The following ZNF253 variants were observed in gnomAD, a reference collection of about 807,000 sequenced individuals.
ZNF253 encodes zinc finger protein 253.
ZNF253 carries 8 observed loss-of-function variants against 11.9 expected under a neutral mutation model. The ratio of observed to expected loss-of-function variants is 0.67; its 90% CI spans 0.40 to 1.22. ZNF253 has a LOEUF of 1.22. Ranked by LOEUF, ZNF253 falls within the 50% of genes most tolerant of loss-of-function variation. The probability of loss-of-function intolerance (pLI) is 0.01; values close to 1 mark genes in which losing one functional copy is unlikely to be tolerated. For synonymous variants in ZNF253, 194 were observed against 194.9 expected (o/e 1.00, Z 0.04); for missense variants, 485 against 586.9 (o/e 0.83, Z 1.79).
At chr19:19,885,279 CTTTCTTTCTTTCTCTT>C (rs2063197413) in intron 3 of ZNF253, among the ~76,000 whole-genome samples, 1 of 33,940 alleles carries the variant, frequency 2.9e-5, no homozygotes, top group Non-Finnish European at 4.6e-5. Context: ...TTCTTTCTTT[CTTTCTTTCTTTCTCTT>C]TCTTTTCTTT....
chr19:19,880,784 G>A (rs369635970), intron 3 of ZNF253, among the ~76,000 whole-genome samples: 3 of 150,684 alleles, frequency 2.0e-5, no homozygotes, highest in Admixed American at 2.0e-4. Context: ...ACAAATATCT[G>A]CATAATTTTG....
rs763061966 is a variant in ZNF253, at chr19:19,878,505, G to A, written c.28G>A (p.Ala10Thr). ...GGGACCATTGCAATTTAGAGATGTG[G>A]CCATAGAATTCTCTCTGGAGGAGTG... MGPLQFRDVAIEFSLEEWHC... is the reference protein window; with the variant it reads MGPLQFRDVTIEFSLEEWHC... Residue 10 changes from alanine (A) to threonine (T), a missense_variant, in exon 2 of 4, where the codon GCC becomes ACC. Coordinates refer to ENST00000589717, the MANE Select transcript of ZNF253 (RefSeq NM_021047.3). 3 of 1,613,944 alleles carry A rather than the reference G, an allele frequency of 1.9e-6. No individual in the cohort carries two copies. Among genetic ancestry groups the A allele is most frequent in the Non-Finnish European group, 2.5e-6 (3 of 1,179,956 alleles).
Position 19,891,606 on chromosome 19 carries a change from G to T in ZNF253, c.359G>T (p.Gly120Val). 1 of 1,614,142 alleles carries T rather than the reference G, an allele frequency of 6.2e-7. No homozygotes were observed. Among genetic ancestry groups the T allele is most frequent in the Non-Finnish European group, 8.5e-7 (1 of 1,180,012 alleles). Reference sequence around the variant, plus strand: ...TTAAAAAAAGGCTGTAAAAGCGTGGGTGAGCATAAGGTGCACAAAGGAGGT... The same window carrying T: ...TTAAAAAAAGGCTGTAAAAGCGTGGTTGAGCATAAGGTGCACAAAGGAGGT... Reference protein sequence around the residue: ...LQLKKGCKSVGEHKVHKGGYN... With the variant: ...LQLKKGCKSVVEHKVHKGGYN... Residue 120 changes from glycine (G) to valine (V), a missense_variant, in exon 4 of 4, where the codon GGT (glycine) becomes GTT (valine). By Grantham distance (109) the Gly-to-Val change is moderately radical. Around this residue, in one of 3 missense-constraint regions of ZNF253, gnomAD observed 218 missense variants for 213.1 expected, o/e 1.02. Transcript: ENST00000589717.
Position 19,880,129 on chromosome 19 carries a change from T to G in ZNF253, c.209T>G (p.Met70Arg). 6.2e-7 allele frequency: 1 copy of G among 1,608,340 alleles called. No individual in the cohort carries two copies. Among genetic ancestry groups the G allele is most frequent in the Non-Finnish European group, 8.5e-7 (1 of 1,177,450 alleles). The change falls in exon 3 of 4, where the codon ATG becomes AGG. Residue 70 changes from methionine to arginine, a missense_variant. Coordinates refer to ENST00000589717, the MANE Select transcript of ZNF253 (RefSeq NM_021047.3). ...CCTTTAACTATGGAAAGACATGAGA[T>G]GATTGCCAAACCCCCAGGTAGGTAC... ...KKPLTMERHEMIAKPPVMSSH... is the reference protein window; with the variant it reads ...KKPLTMERHERIAKPPVMSSH...
rs200565366 is a variant in ZNF253 at position 19,891,984 on chromosome 19, A to G, written c.737A>G (p.His246Arg). The G allele has an allele frequency of 4.2e-5, 67 of 1,613,862 alleles. 1 individual carries two copies. Among genetic ancestry groups the G allele is most frequent in the South Asian group, 6.6e-5 (6 of 91,080 alleles). Residue 246 changes from histidine to arginine, a missense_variant, in exon 4 of 4, where the codon CAT (histidine) becomes CGT (arginine). Transcript: ENST00000589717. ...AAGCAGTCCTCAAACCTTACTACAC[A>G]TAAGAAAATTCATACTGGAGAGAAA... is the stretch of plus-strand genomic sequence containing the variant. ...AFKQSSNLTT[H>R]KKIHTGEKPY...
intron 1 of ZNF253, chr19:19,870,746 A>C (rs1445840878): frequency 6.6e-6 from 1 of 152,152 alleles, no homozygotes; most frequent in East Asian, 1.9e-4. Flanking sequence ...GGAAGTTGTC[A>C]GATGTATTTC....
At position 19,872,282 on chromosome 19, in the gene ZNF253, C is replaced by T. The variant is rs923707665; in HGVS notation, c.4-6199C>T. On this transcript the variant is annotated intron_variant, in intron 1 of 3. Coordinates refer to ENST00000589717, the MANE Select transcript of ZNF253 (RefSeq NM_021047.3). The stretch of plus-strand genomic sequence containing the variant: ...AAAATCCTTACAAATGTGCAGGTAA[C>T]ACCTGCTGCTACTCCAGCCATTCAG... Among the ~76,000 whole-genome samples the T allele has an allele frequency of 2.6e-5, 4 of 152,186 alleles. No individual in the cohort carries two copies. The East Asian group carries it at 7.7e-4, about 29-fold the overall frequency.
intron 1 of ZNF253, among the ~76,000 whole-genome samples, chr19:19,875,231 G>C (rs2063150153): frequency 6.6e-6 from 1 of 152,188 alleles, no homozygotes; most frequent in Non-Finnish European, 1.5e-5. Context: ...GTATGTATTA[G>C]AGGGTGTTAG....
At chr19:19,888,185 T>G (rs1360259843) in intron 3 of ZNF253, among the ~76,000 whole-genome samples, 1 of 152,054 alleles carries the variant, frequency 6.6e-6, no homozygotes, top group Admixed American at 6.6e-5. Context: ...TGTCTCAGCC[T>G]CCTGAGTAGC....
At chr19:19,883,455 A>G (rs1354453711) in intron 3 of ZNF253, among the ~76,000 whole-genome samples, 2 of 152,038 alleles carry the variant, frequency 1.3e-5, no homozygotes, top group Non-Finnish European at 1.5e-5. Context: ...TATAAAAAAA[A>G]TTTAATAATA....
intron 1 of ZNF253, among the ~76,000 whole-genome samples, chr19:19,866,939 A>G (rs536249100): frequency 1.2e-4 from 18 of 151,688 alleles, no homozygotes; most frequent in Admixed American, 1.2e-3. Context: ...GTCTAGGTAC[A>G]AAGAGGTACA....
chr19:19,882,103 C>T (rs1181620775), intron 3 of ZNF253, among the ~76,000 whole-genome samples: 4 of 151,492 alleles, frequency 2.6e-5, no homozygotes, highest in Admixed American at 6.6e-5. Flanking sequence ...ACAGGAGAAT[C>T]GCTTGAATCA....
In ZNF253 at chr19:19,865,909, G is replaced by A. The variant is rs914880423; in HGVS notation, c.-88G>A. The stretch of plus-strand genomic sequence containing the variant: ...TTATCCTCAGTGTTCTGTGTCCTGT[G>A]CTTATAGAGGCCCGTCCTCTGTGGC... On this transcript the variant is annotated 5_prime_UTR_variant, in exon 1 of 4. Coordinates refer to ENST00000589717, the MANE Select transcript of ZNF253 (RefSeq NM_021047.3). 2.1e-5 allele frequency: 32 copies of A among 1,527,572 alleles called. No individual in the cohort carries two copies. The highest frequency in any genetic ancestry group is 2.8e-5 in the Non-Finnish European group (31 of 1,101,280). 94.6% of individuals were successfully genotyped at this position (1,527,572 alleles called of 1,614,324 possible). A position where few individuals can be genotyped will look rare whatever the true frequency, so the allele number is the denominator to read the frequency against.
chr19:19,887,292 A>T (rs1167480180), intron 3 of ZNF253, among the ~76,000 whole-genome samples: 1 of 150,776 alleles, frequency 6.6e-6, no homozygotes, highest in African/African-American at 2.4e-5. Flanking sequence ...ATATAATTTT[A>T]TTTATTTATT....
intron 3 of ZNF253, among the ~76,000 whole-genome samples, chr19:19,884,178 G>A (rs7256317): frequency 1.3e-5 from 2 of 152,242 alleles, no homozygotes; most frequent in South Asian, 4.1e-4. Context: ...GTGACAAGAT[G>A]GTTATTTTTA....
chr19:19,880,059 G>A lies in ZNF253; in HGVS notation c.139G>A (p.Val47Ile). ...TATTTTTAATAAAACAGGTATTGTT[G>A]TCTCTAAGCCAGACCTGGTTACCTG... ...YRNLVFLGIV[V>I]SKPDLVTCLE... is the part of the protein sequence containing the mutation. Residue 47 changes from valine (V) to isoleucine (I), a missense_variant, in exon 3 of 4, where the codon GTC becomes ATC. By Grantham distance (29) the Val-to-Ile change is conservative. Around this residue, in one of 3 missense-constraint regions of ZNF253, gnomAD observed 218 missense variants for 213.1 expected, o/e 1.02. Transcript: ENST00000589717. 1 of 1,603,274 alleles carries A rather than the reference G, an allele frequency of 6.2e-7. No homozygotes were observed. Among genetic ancestry groups the A allele is most frequent in the Non-Finnish European group, 8.5e-7 (1 of 1,175,500 alleles).
In ZNF253 at chr19:19,891,921, A is replaced by G. The variant is rs760910372; in HGVS notation, c.674A>G (p.Glu225Gly). The change falls in exon 4 of 4, where the codon GAG (glutamate) becomes GGG (glycine). Residue 225 changes from glutamate (E) to glycine (G), a missense_variant. Physicochemically the swap from Glu to Gly is moderately conservative, Grantham distance 98. Coordinates refer to ENST00000589717, the MANE Select transcript of ZNF253 (RefSeq NM_021047.3). ...LTTHKRIHTG[E>G]KPYRCEECGK... Reference sequence around the variant, plus strand: ...ACACATAAGAGAATTCATACCGGAGAGAAACCCTACAGATGTGAAGAATGT... The same window carrying G: ...ACACATAAGAGAATTCATACCGGAGGGAAACCCTACAGATGTGAAGAATGT... 1 of 1,613,832 alleles carries G rather than the reference A, an allele frequency of 6.2e-7. No individual in the cohort carries two copies. Among genetic ancestry groups the G allele is most frequent in the African/African-American group, 1.3e-5 (1 of 74,864 alleles).
chr19:19,884,669 G>A (rs1392782165), intron 3 of ZNF253, among the ~76,000 whole-genome samples: 1 of 150,168 alleles, frequency 6.7e-6, no homozygotes, highest in African/African-American at 2.5e-5. Flanking sequence ...ACTACACTTC[G>A]CCTGTGTTAT....
At chr19:19,880,231 T>G in intron 3 of ZNF253, 85 bp downstream of exon 3, 1 of 1,059,600 alleles carries the variant, frequency 9.4e-7, no homozygotes, top group Non-Finnish European at 1.3e-6. Flanking sequence ...TAAAATGTGA[T>G]TCTGGAAGCT....
Sources: allele counts gnomAD v4.1 joint callset (sites outside exome capture counted in the v4.1 genomes callset), GRCh38; gene constraint gnomAD v4.1.1; regional missense constraint gnomAD v4.1.1; transcripts MANE v1.5; gene names NCBI Gene and HGNC (gene_info 2026-07-23, HGNC 2026-07-21).